The following SLC16A4 variants were observed in gnomAD, a reference collection of about 807,000 sequenced individuals.
The protein encoded by SLC16A4 is probable monocarboxylate transporter 5.
In SLC16A4, 39 loss-of-function variants were observed where a neutral mutation model predicts 47.9. The observed-to-expected ratio is 0.81, with a 90% CI of 0.63 to 1.06. The LOEUF is 1.06. Ranked by LOEUF, SLC16A4 falls within the 50% of genes least tolerant of loss-of-function variation. The pLI, the probability that SLC16A4 is intolerant of heterozygous loss-of-function variation, is 0.00. For synonymous variants in SLC16A4, 189 were observed against 199.9 expected (o/e 0.95, Z 0.46); for missense variants, 524 against 573.8 (o/e 0.91, Z 0.89).
intron 4 of SLC16A4, among the ~76,000 whole-genome samples, chr1:110,381,366 G>A (rs185589263): frequency 6.6e-6 from 1 of 152,292 alleles, no homozygotes; most frequent in Non-Finnish European, 1.5e-5. Context: ...TTGTCACCCA[G>A]ACTGGAGTGC....
At position 110,389,218 on chromosome 1, in the gene SLC16A4, G is replaced by A. The variant is rs1662891269; in HGVS notation, c.87+19C>T. The A allele has an allele frequency of 1.9e-6, 3 of 1,600,020 alleles. No individual in the cohort carries two copies. Among genetic ancestry groups the A allele is most frequent in the Non-Finnish European group, 2.6e-6 (3 of 1,167,186 alleles). ...CTGCTTTTAGGCAATAGGAAAGGGGGAAAAAAGTGAATTCTTACCAGGAAA... is the reference window on the plus strand; with the variant it reads ...CTGCTTTTAGGCAATAGGAAAGGGGAAAAAAAGTGAATTCTTACCAGGAAA... On this transcript the variant is annotated intron_variant, in intron 2 of 8. Transcript: ENST00000369779.
chr1:110,380,883 A>G, intron 5 of SLC16A4, 99 bp downstream of exon 5: 1 of 1,052,138 alleles, frequency 9.5e-7, no homozygotes, highest in Non-Finnish European at 1.4e-6. Flanking sequence ...ACCTTGTGAA[A>G]TCGATTGCTC....
At chr1:110,389,063 G>A (rs1319027868) in intron 2 of SLC16A4, among the ~76,000 whole-genome samples, 174 bp downstream of exon 2, 3 of 152,198 alleles carry the variant, frequency 2.0e-5, no homozygotes, top group East Asian at 1.9e-4. Flanking sequence ...TCCTGGGTTC[G>A]GCATGGGCCT....
chr1:110,366,150 A>G (rs72696508), intron 8 of SLC16A4, among the ~76,000 whole-genome samples: 2 of 51,360 alleles, frequency 3.9e-5, no homozygotes, highest in East Asian at 7.3e-4. Context: ...TCTCTCTCTC[A>G]CTCACTCACT....
Position 110,375,242 on chromosome 1 carries a change from A to C in SLC16A4, c.1336+216T>G, listed in dbSNP as rs148768220. 4.1e-3 allele frequency: 2,012 copies of C among 496,720 alleles called. 11 individuals carry two copies. The highest frequency in any genetic ancestry group is 0.022 in the Middle Eastern group (40 of 1,854). The allele number at this position is 496,720 out of a possible 1,614,324, so 30.8% of individuals were successfully genotyped here. ...CAGTGTCTGCCCTACAACTCCCAAG[A>C]ATATAAGAATCTGCTTAAGGCACAT... On this transcript the variant is annotated intron_variant, in intron 8 of 8. Coordinates refer to ENST00000369779, the MANE Select transcript of SLC16A4 (RefSeq NM_004696.3).
rs1250222509 is a variant in SLC16A4, at chr1:110,368,993, C to T, written c.1337-5100G>A. Among the ~76,000 whole-genome samples the T allele has an allele frequency of 5.7e-4, 85 of 148,052 alleles. 1 individual carries two copies. The highest frequency in any genetic ancestry group is 7.9e-4 in the Non-Finnish European group (53 of 67,488). On this transcript the variant is annotated intron_variant, in intron 8 of 8. Transcript: ENST00000369779. Reference sequence around the variant, plus strand: ...TTTTTGAGATGGAGTCTCGCCCTGTCGCCCAGGCTGAAATGCAGTGGTGCA... The same window carrying T: ...TTTTTGAGATGGAGTCTCGCCCTGTTGCCCAGGCTGAAATGCAGTGGTGCA...
intron 8 of SLC16A4, among the ~76,000 whole-genome samples, chr1:110,364,411 G>A (rs776420901): frequency 6.6e-6 from 1 of 151,880 alleles, no homozygotes; most frequent in African/African-American, 2.4e-5. Context: ...AAGGGAAGGT[G>A]CAGGAGGCTA....
intron 8 of SLC16A4, among the ~76,000 whole-genome samples, chr1:110,373,430 T>G (rs751275122): frequency 3.9e-5 from 6 of 152,168 alleles, no homozygotes; most frequent in Non-Finnish European, 8.8e-5. Context: ...AGAGTAGTTG[T>G]GCAAGGTACT....
At chr1:110,390,498 G>A (rs1662983255) in intron 1 of SLC16A4, among the ~76,000 whole-genome samples, 1 of 152,154 alleles carries the variant, frequency 6.6e-6, no homozygotes, top group African/African-American at 2.4e-5. Context: ...AATATGGACT[G>A]TATAATACAG....
At chr1:110,374,211 T>C (rs1661852085) in intron 8 of SLC16A4, among the ~76,000 whole-genome samples, 1 of 151,834 alleles carries the variant, frequency 6.6e-6, no homozygotes, top group South Asian at 2.1e-4. Context: ...CGGCTAATTT[T>C]TGTATTTTTA....
intron 8 of SLC16A4, among the ~76,000 whole-genome samples, chr1:110,365,134 G>A (rs1032006525): frequency 6.6e-6 from 1 of 152,012 alleles, no homozygotes; most frequent in African/African-American, 2.4e-5. Context: ...ACTTATTCAA[G>A]AAATTTCAGT....
intron 7 of SLC16A4, 116 bp downstream of exon 7, chr1:110,376,834 T>C: frequency 1.1e-6 from 1 of 879,996 alleles, no homozygotes. Context: ...TTCTAAGGTC[T>C]TTGAAATGAT....
Position 110,389,291 on chromosome 1 carries a change from G to A in SLC16A4, c.33C>T (p.Tyr11=), listed in dbSNP as rs1250506442. The A allele has an allele frequency of 6.2e-7, 1 of 1,613,948 alleles. No homozygotes were observed. The highest frequency in any genetic ancestry group is 2.2e-5 in the East Asian group (1 of 44,892). MLKREGKVQP[Y]TKTLDGGWGW... ...CCCATCCTCCATCCAGGGTTTTAGT[G>A]TAAGGTTGGACCTTCCCCTCCCTCT... Residue 11 remains tyrosine, a synonymous_variant, in exon 2 of 9, where the codon TAC becomes TAT. Coordinates refer to ENST00000369779, the MANE Select transcript of SLC16A4 (RefSeq NM_004696.3).
chr1:110,363,804 C>CA lies in SLC16A4; in HGVS notation c.1425dup (p.Val476CysfsTer24), dbSNP rs752790213. 337 of 1,574,264 alleles carry CA rather than the reference C, an allele frequency of 2.1e-4. No individual in the cohort carries two copies. Among genetic ancestry groups the CA allele is most frequent in the Admixed American group, 6.1e-4 (35 of 57,088 alleles). ...TTTTTCCATCTTTCGGCCAATGGTA[C>CA]AAAAAAAAAGGAAACTGAAGAGAGG... On this transcript the variant is annotated frameshift_variant, in exon 9 of 9. Coordinates refer to ENST00000369779, the MANE Select transcript of SLC16A4 (RefSeq NM_004696.3). LOFTEE classifies it high-confidence loss of function.
chr1:110,372,274 G>A (rs1661725313), intron 8 of SLC16A4: 1 of 152,102 alleles, frequency 6.6e-6, no homozygotes, highest in Non-Finnish European at 1.5e-5. Flanking sequence ...ACTTTTGTTA[G>A]ATTCCTAATT....
chr1:110,373,676 ATTTTT>A (rs1237142099), intron 8 of SLC16A4, among the ~76,000 whole-genome samples: 1 of 134,832 alleles, frequency 7.4e-6, no homozygotes, highest in Non-Finnish European at 1.6e-5. Flanking sequence ...CCCAGTAATA[ATTTTT>A]TTTTTTTTTT....
At chr1:110,387,692 AAGGC>A (rs1662804564) in intron 2 of SLC16A4, among the ~76,000 whole-genome samples, 1 of 152,206 alleles carries the variant, frequency 6.6e-6, no homozygotes, top group Non-Finnish European at 1.5e-5. Flanking sequence ...ACTGGGGAGA[AAGGC>A]AGGAGAATTA....
rs998982137 is a variant in SLC16A4 at position 110,363,154 on chromosome 1, T to C, written c.*612A>G. On this transcript the variant is annotated 3_prime_UTR_variant, in exon 9 of 9. Transcript: ENST00000369779. ...TCTTTACATATTTTAGTGACTGAAT[T>C]ACCATGGCGTAATTGAGAGTTTGGA... The C allele has an allele frequency of 1.3e-5, 2 of 152,246 alleles. No homozygotes were observed. The highest frequency in any genetic ancestry group is 4.8e-5 in the African/African-American group (2 of 41,460). The allele number at this position is 152,246 out of a possible 1,614,324, so 9.4% of individuals were successfully genotyped here. A position where few individuals can be genotyped will look rare whatever the true frequency, so the allele number is the denominator to read the frequency against.
chr1:110,382,257 G>A (rs1281089156), intron 3 of SLC16A4, among the ~76,000 whole-genome samples: 1 of 152,192 alleles, frequency 6.6e-6, no homozygotes, highest in Non-Finnish European at 1.5e-5. Flanking sequence ...TCTGGAGTTT[G>A]AGACCAGCCT....
Sources: gnomAD v4.1 joint callset for allele counts (sites outside exome capture counted in the v4.1 genomes callset) on GRCh38, gnomAD v4.1.1 for gene constraint, MANE v1.5 for transcripts, NCBI Gene and HGNC (gene_info 2026-07-23, HGNC 2026-07-21) for gene names.